MRPL48: variants seen among roughly 807,000 people sequenced by gnomAD.
MRPL48 encodes the protein large ribosomal subunit protein mL48.
Under a neutral mutation model 32.9 loss-of-function variants are expected in MRPL48, and 16 were observed. The ratio of observed to expected loss-of-function variants is 0.49; its 90% CI spans 0.33 to 0.74. MRPL48 has a LOEUF of 0.74. MRPL48 is among the 30% of genes least tolerant of loss of function. The probability of loss-of-function intolerance (pLI) is 0.02; values close to 1 mark genes in which losing one functional copy is unlikely to be tolerated. For synonymous variants in MRPL48, 94 were observed against 89.2 expected (o/e 1.05, Z -0.31); for missense variants, 206 against 245.3 (o/e 0.84, Z 1.07).
intron 4 of MRPL48, among the ~76,000 whole-genome samples, chr11:73,835,521 T>C (rs1417761614): frequency 6.6e-6 from 1 of 152,228 alleles, no homozygotes; most frequent in African/African-American, 2.4e-5. Context: ...AATTTACTAG[T>C]TGGAAATTGG....
At chr11:73,821,170 CT>C (rs1947773774) in intron 3 of MRPL48, among the ~76,000 whole-genome samples, 1 of 151,474 alleles carries the variant, frequency 6.6e-6, no homozygotes, top group Admixed American at 6.6e-5. Flanking sequence ...TTTTTTTTTC[CT>C]TTTTATAGAG....
intron 1 of MRPL48, among the ~76,000 whole-genome samples, chr11:73,802,856 C>T (rs1342184427): frequency 3.3e-4 from 50 of 152,086 alleles, no homozygotes; most frequent in Admixed American, 3.1e-3. Flanking sequence ...TGCACCACCA[C>T]GCCTGGCTAA....
At chr11:73,828,263 C>T (rs957101564) in intron 4 of MRPL48, among the ~76,000 whole-genome samples, 2 of 150,882 alleles carry the variant, frequency 1.3e-5, no homozygotes, top group African/African-American at 2.4e-5. Context: ...ATCTCTCTGC[C>T]GCACAGGCTG....
chr11:73,788,016 G>A, intron 1 of MRPL48, 24 bp downstream of exon 1: 1 of 1,509,878 alleles, frequency 6.6e-7, no homozygotes. Context: ...CACGCACGCG[G>A]GGCGCGGGGA....
intron 1 of MRPL48, 132 bp from the exon 2 acceptor site, chr11:73,804,895 G>C: frequency 2.9e-6 from 2 of 678,918 alleles, no homozygotes; most frequent in South Asian, 4.8e-5. Context: ...TTGTAGGGTA[G>C]CTTCTTTGTT....
chr11:73,799,966 T>C (rs1947327181), intron 1 of MRPL48, among the ~76,000 whole-genome samples: 1 of 152,158 alleles, frequency 6.6e-6, no homozygotes, highest in African/African-American at 2.4e-5. Flanking sequence ...ATAGAAGGGA[T>C]GGACTTTGGA....
intron 1 of MRPL48, among the ~76,000 whole-genome samples, chr11:73,797,508 T>G (rs1259881974): frequency 6.6e-6 from 1 of 152,162 alleles, no homozygotes; most frequent in African/African-American, 2.4e-5. Context: ...GTTGCTGGCA[T>G]CTCCAAGCTT....
At chr11:73,836,657 G>C (rs1334880450) in intron 4 of MRPL48, among the ~76,000 whole-genome samples, 1 of 152,196 alleles carries the variant, frequency 6.6e-6, no homozygotes, top group Non-Finnish European at 1.5e-5. Flanking sequence ...CCAAGACTCA[G>C]AGAAAGATTA....
intron 7 of MRPL48, 24 bp downstream of exon 7, chr11:73,863,285 C>A (rs774601912): frequency 2.6e-6 from 4 of 1,528,486 alleles, no homozygotes; most frequent in Admixed American, 2.0e-5. Flanking sequence ...TGAGAAGAGG[C>A]CCCTGCTGGC....
chr11:73,801,559 TG>T (rs1488439397), intron 1 of MRPL48, among the ~76,000 whole-genome samples: 1 of 152,210 alleles, frequency 6.6e-6, no homozygotes, highest in Non-Finnish European at 1.5e-5. Context: ...CCAATCTTCA[TG>T]GTTTTACATC....
intron 5 of MRPL48, among the ~76,000 whole-genome samples, chr11:73,851,447 C>G (rs1242093646): frequency 6.6e-6 from 1 of 152,180 alleles, no homozygotes; most frequent in Non-Finnish European, 1.5e-5. Flanking sequence ...AAAAGATGTT[C>G]TTTAGGAGAT....
chr11:73,841,302 C>G (rs180712744), intron 4 of MRPL48, among the ~76,000 whole-genome samples: 80 of 152,332 alleles, frequency 5.3e-4, no homozygotes, highest in African/African-American at 1.8e-3. Flanking sequence ...ACACCCCCAA[C>G]AGAAATGCAT....
chr11:73,805,421 CA>C (rs1947431901), intron 2 of MRPL48, among the ~76,000 whole-genome samples: 1 of 151,574 alleles, frequency 6.6e-6, no homozygotes, highest in Non-Finnish European at 1.5e-5. Context: ...CTCAGCCTCC[CA>C]AGTAGCTGGC....
At chr11:73,807,145 C>T (rs747270330) in intron 2 of MRPL48, among the ~76,000 whole-genome samples, 2 of 152,170 alleles carry the variant, frequency 1.3e-5, no homozygotes, top group Non-Finnish European at 2.9e-5. Context: ...GCTGGTATTA[C>T]AGGCATGAGC....
intron 3 of MRPL48, among the ~76,000 whole-genome samples, chr11:73,822,207 C>G (rs1047396512): frequency 1.7e-4 from 26 of 152,266 alleles, no homozygotes; most frequent in Non-Finnish European, 3.5e-4. Context: ...AAATACCTCC[C>G]TATTCCTTAC....
intron 4 of MRPL48, among the ~76,000 whole-genome samples, chr11:73,837,201 C>T (rs1161917238): frequency 6.6e-6 from 1 of 152,194 alleles, no homozygotes; most frequent in Non-Finnish European, 1.5e-5. Context: ...CCAACTTTCT[C>T]ACCCTGGAGA....
chr11:73,849,911 A>G (rs1010921128), intron 5 of MRPL48, among the ~76,000 whole-genome samples: 2 of 152,208 alleles, frequency 1.3e-5, no homozygotes, highest in South Asian at 4.1e-4. Flanking sequence ...CAGCCTGGGC[A>G]ACGTGGTGAA....
chr11:73,794,572 A>T (rs1439390495), intron 1 of MRPL48, among the ~76,000 whole-genome samples: 3 of 150,966 alleles, frequency 2.0e-5, no homozygotes, highest in Admixed American at 1.3e-4. Flanking sequence ...AAAAAAAAAA[A>T]TTTAAATCAG....
intron 4 of MRPL48, among the ~76,000 whole-genome samples, chr11:73,831,542 A>G (rs896347764): frequency 8.5e-5 from 13 of 152,048 alleles, no homozygotes; most frequent in African/African-American, 3.1e-4. Flanking sequence ...CTCCAGACCT[A>G]GCATCCTGTC....
Sources: gnomAD v4.1 joint callset for allele counts (sites outside exome capture counted in the v4.1 genomes callset) on GRCh38, gnomAD v4.1.1 for gene constraint, MANE v1.5 for transcripts, NCBI Gene and HGNC (gene_info 2026-07-23, HGNC 2026-07-21) for gene names.